ADAMTSL1: variants seen among roughly 807,000 people sequenced by gnomAD.
ADAMTSL1 encodes the protein ADAMTS-like protein 1.
A neutral mutation model predicts 201.8 loss-of-function variants in ADAMTSL1; 126 were observed. That is an observed-to-expected ratio of 0.62 (90% CI 0.54 to 0.72). The LOEUF is 0.72. Ranked by LOEUF, ADAMTSL1 falls within the 30% of genes least tolerant of loss-of-function variation. The pLI, the probability that ADAMTSL1 is intolerant of heterozygous loss-of-function variation, is 0.00. For synonymous variants in ADAMTSL1, 1,121 were observed against 903.4 expected, an observed-to-expected ratio of 1.24 and a Z score of -4.32; for missense variants, 2,679 against 2,277.8, an observed-to-expected ratio of 1.18 and a Z score of -3.59.
chr9:18,589,621 T>C (rs557921828), intron 4 of ADAMTSL1, among the ~76,000 whole-genome samples: 1 of 152,262 alleles, frequency 6.6e-6, no homozygotes, highest in East Asian at 1.9e-4. Flanking sequence ...TTAATAAAAG[T>C]GATGAAACTG....
intron 2 of ADAMTSL1, among the ~76,000 whole-genome samples, chr9:18,336,770 A>G (rs1460212179): frequency 2.0e-5 from 3 of 152,112 alleles, no homozygotes; most frequent in African/African-American, 7.2e-5. Context: ...TGAATGTTGG[A>G]CTAGATTTTA....
rs146052018 is a variant in ADAMTSL1, at chr9:17,980,992, T to A, written c.87+74070T>A. Among the ~76,000 whole-genome samples the A allele has an allele frequency of 5.3e-3, 808 of 152,200 alleles. 3 individuals are homozygous for A. Among genetic ancestry groups the A allele is most frequent in the Non-Finnish European group, 8.6e-3 (587 of 68,000 alleles). On this transcript the variant is annotated intron_variant, in intron 1 of 29. Transcript: ENST00000680146. ...CTTTTGGGGAAACTCTCCTGGGAATTAGTGGAGGGAGAACTCACTCATTGC... is the reference window on the plus strand; with the variant it reads ...CTTTTGGGGAAACTCTCCTGGGAATAAGTGGAGGGAGAACTCACTCATTGC...
intron 15 of ADAMTSL1, among the ~76,000 whole-genome samples, chr9:18,741,140 A>G (rs1446884067): frequency 2.0e-5 from 3 of 152,178 alleles, no homozygotes; most frequent in Non-Finnish European, 2.9e-5. Flanking sequence ...TACTAATTAA[A>G]TGGATAAATA....
At chr9:18,440,725 A>G (rs1189926056) in intron 2 of ADAMTSL1, among the ~76,000 whole-genome samples, 4 of 152,002 alleles carry the variant, frequency 2.6e-5, no homozygotes, top group Admixed American at 2.6e-4. Context: ...GTCATATTTA[A>G]GGGCCATTTA....
chr9:18,504,925 TC>T lies in ADAMTSL1; in HGVS notation c.162del (p.Tyr55ThrfsTer3), dbSNP rs1405875064. On this transcript the variant is annotated frameshift_variant, in exon 2 of 29. Transcript: ENST00000380548. LOFTEE classifies it high-confidence loss of function. ...CTCACGCACCTGCGGGGGTGGGGCCTCCTACTCTCTGAGGCGCTGCCTGAGC... is the reference window on the plus strand; with the variant it reads ...CTCACGCACCTGCGGGGGTGGGGCCTCTACTCTCTGAGGCGCTGCCTGAGC... ...ECSRTCGGGA[S>X]YSLRRCLSSK... is the part of the protein sequence containing the mutation. 1 of 1,611,330 alleles carries T rather than the reference TC, an allele frequency of 6.2e-7. No individual in the cohort carries two copies. The highest frequency in any genetic ancestry group is 1.7e-5 in the Admixed American group (1 of 59,620).
At chr9:18,145,716 C>T (rs1214814235) in intron 1 of ADAMTSL1, among the ~76,000 whole-genome samples, 2 of 151,978 alleles carry the variant, frequency 1.3e-5, no homozygotes, top group South Asian at 2.1e-4. Context: ...TAATATAATA[C>T]CAAAAGCATG....
Position 18,084,879 on chromosome 9 carries a change from C to T in ADAMTSL1, c.88-78983C>T, listed in dbSNP as rs116027256. 1.1e-3 allele frequency among the ~76,000 whole-genome samples: 161 copies of T among 152,216 alleles called. 1 individual carries two copies. Among genetic ancestry groups the T allele is most frequent in the African/African-American group, 3.8e-3 (158 of 41,540 alleles). ...AAAATATATATCTTGTCAAGTACTG[C>T]TAAGCATTAGGGATAAAAATAAAGC... On this transcript the variant is annotated intron_variant, in intron 1 of 29. Transcript: ENST00000680146.
At chr9:18,414,007 A>G (rs1818563886) in intron 2 of ADAMTSL1, among the ~76,000 whole-genome samples, 1 of 152,248 alleles carries the variant, frequency 6.6e-6, no homozygotes, top group South Asian at 2.1e-4. Context: ...AGTGAGTGAC[A>G]AAAGAGCAAA....
intron 2 of ADAMTSL1, among the ~76,000 whole-genome samples, chr9:18,465,668 C>G (rs935613629): frequency 2.0e-5 from 3 of 152,170 alleles, no homozygotes; most frequent in Non-Finnish European, 4.4e-5. Flanking sequence ...TCCTGGGTGG[C>G]CATGTATGTT....
rs149551412 is a variant in ADAMTSL1, at chr9:18,447,839, G to A, written c.208-56990G>A. 4.2e-3 allele frequency among the ~76,000 whole-genome samples: 634 copies of A among 152,332 alleles called. 7 individuals are homozygous for A. Among genetic ancestry groups the A allele is most frequent in the African/African-American group, 0.015 (617 of 41,572 alleles). Reference sequence around the variant, plus strand: ...AGGGGCCTGGTGACAGTAGCTCTTTGAATGCAGAAGAGCCCAAACTTTGAT... The same window carrying A: ...AGGGGCCTGGTGACAGTAGCTCTTTAAATGCAGAAGAGCCCAAACTTTGAT... On this transcript the variant is annotated intron_variant, in intron 2 of 29. Coordinates refer to the ADAMTSL1 transcript ENST00000680146.
At chr9:18,194,485 A>T (rs1262791068) in intron 2 of ADAMTSL1, among the ~76,000 whole-genome samples, 3 of 152,108 alleles carry the variant, frequency 2.0e-5, no homozygotes, top group Non-Finnish European at 4.4e-5. Context: ...TTGTGCCAGT[A>T]ACAATGTTAA....
intron 28 of ADAMTSL1, 86 bp from the exon 29 acceptor site, chr9:18,908,356 G>C: frequency 8.6e-7 from 1 of 1,166,886 alleles, no homozygotes; most frequent in Non-Finnish European, 1.2e-6. Context: ...GAAACCCCCG[G>C]CTGCACCTCA....
intron 1 of ADAMTSL1, among the ~76,000 whole-genome samples, chr9:18,032,154 A>G (rs960508115): frequency 2.0e-5 from 3 of 152,120 alleles, no homozygotes; most frequent in African/African-American, 7.2e-5. Flanking sequence ...GTGGCTGGCC[A>G]ACAGCTACAC....
chr9:18,817,045 A>G lies in ADAMTSL1; in HGVS notation c.3806-64A>G, dbSNP rs973185794. The G allele has an allele frequency of 3.8e-6, 6 of 1,578,658 alleles. No individual in the cohort carries two copies. In the African/African-American group the frequency reaches 8.1e-5, roughly 21 times the overall value. ...TGCATTGGTGGTTAGCCCATATTTCAAAGGAGTGCCCCAATTTCCACAGTC... is the reference window on the plus strand; with the variant it reads ...TGCATTGGTGGTTAGCCCATATTTCGAAGGAGTGCCCCAATTTCCACAGTC... On this transcript the variant is annotated intron_variant, in intron 20 of 28. Transcript: ENST00000380548.
At chr9:17,927,553 A>C (rs1186670019) in intron 1 of ADAMTSL1, among the ~76,000 whole-genome samples, 2 of 152,052 alleles carry the variant, frequency 1.3e-5, no homozygotes, top group African/African-American at 2.4e-5. Context: ...GAATTCAAGC[A>C]ACTTCAGATC....
chr9:18,437,964 C>T (rs1563960950), intron 2 of ADAMTSL1, among the ~76,000 whole-genome samples: 1 of 151,904 alleles, frequency 6.6e-6, no homozygotes, highest in African/African-American at 2.4e-5. Context: ...TTATACACCC[C>T]TGTCTGCTAA....
intron 2 of ADAMTSL1, among the ~76,000 whole-genome samples, chr9:18,390,435 C>G (rs1264422562): frequency 2.6e-5 from 4 of 152,164 alleles, no homozygotes; most frequent in African/African-American, 9.7e-5. Context: ...GAGTTCTAAA[C>G]TGAAGGGAAT....
chr9:18,861,931 TC>T (rs2131419639), intron 23 of ADAMTSL1, among the ~76,000 whole-genome samples: 1 of 152,276 alleles, frequency 6.6e-6, no homozygotes, highest in African/African-American at 2.4e-5. Context: ...TTATTTTCTT[TC>T]CTTTGTTGAG....
At chr9:18,371,592 T>A (rs1837045072) in intron 2 of ADAMTSL1, among the ~76,000 whole-genome samples, 1 of 152,238 alleles carries the variant, frequency 6.6e-6, no homozygotes, top group Non-Finnish European at 1.5e-5. Context: ...GAACATATAT[T>A]GTTAAACACA....
Sources: gnomAD v4.1 joint callset for allele counts (sites outside exome capture counted in the v4.1 genomes callset) on GRCh38, gnomAD v4.1.1 for gene constraint, MANE v1.5 for transcripts, NCBI Gene and HGNC (gene_info 2026-07-23, HGNC 2026-07-21) for gene names.